Variants in DPT observed in about 807,000 individuals in gnomAD.
The protein encoded by DPT is dermatopontin, also known as tyrosine-rich acidic matrix protein.
Under a neutral mutation model 31.2 loss-of-function variants are expected in DPT, and 21 were observed. That is an observed-to-expected ratio of 0.67 (90% CI 0.48 to 0.97). The LOEUF is 0.97. Ranked by LOEUF, DPT falls within the 50% of genes least tolerant of loss-of-function variation. The pLI is 0.00. For missense variants in DPT, 262 were observed against 258.8 expected (o/e 1.01, Z -0.08); for synonymous variants, 91 against 86.9 (o/e 1.05, Z -0.26).
chr1:168,716,123 A>C (rs1323657399), intron 1 of DPT, among the ~76,000 whole-genome samples: 1 of 152,224 alleles, frequency 6.6e-6, no homozygotes, highest in East Asian at 1.9e-4. Context: ...TAGATATTAA[A>C]TATATTACTT....
intron 2 of DPT, among the ~76,000 whole-genome samples, chr1:168,708,563 T>C (rs1258066678): frequency 6.6e-6 from 1 of 152,236 alleles, no homozygotes; most frequent in Non-Finnish European, 1.5e-5. Flanking sequence ...TGGAAGCTGC[T>C]CTTCATTTTT....
intron 1 of DPT, among the ~76,000 whole-genome samples, chr1:168,727,159 C>T (rs952638697): frequency 6.6e-5 from 10 of 152,214 alleles, no homozygotes; most frequent in Non-Finnish European, 1.5e-4. Context: ...CGGGTGGGAG[C>T]CCACTCTGGG....
At chr1:168,719,112 A>T (rs921421738) in intron 1 of DPT, among the ~76,000 whole-genome samples, 1 of 152,158 alleles carries the variant, frequency 6.6e-6, no homozygotes, top group Non-Finnish European at 1.5e-5. Context: ...TGACCCGACT[A>T]TGTCCCATTA....
At chr1:168,712,698 T>A (rs1015996969) in intron 2 of DPT, among the ~76,000 whole-genome samples, 2 of 152,164 alleles carry the variant, frequency 1.3e-5, no homozygotes, top group Non-Finnish European at 2.9e-5. Context: ...GGATCATCTT[T>A]TCCAAAAGTG....
In DPT at chr1:168,696,586, C is replaced by T. The variant is rs140391611; in HGVS notation, c.569G>A (p.Arg190Gln). The T allele has an allele frequency of 4.8e-5, 77 of 1,613,860 alleles. No homozygotes were observed. The highest frequency in any genetic ancestry group is 3.1e-4 in the African/African-American group (23 of 74,874). The change falls in exon 4 of 4, where the codon CGG becomes CAG. Residue 190 changes from arginine to glutamine, a missense_variant. Physicochemically the swap from Arg to Gln is conservative, Grantham distance 43. Coordinates refer to ENST00000367817, the MANE Select transcript of DPT (RefSeq NM_001937.5). Reference protein sequence around the residue: ...RDRQWKFIMCRMTEYDCEFAN... With the variant: ...RDRQWKFIMCQMTEYDCEFAN... ...AAATTCACAGTCGTATTCAGTCATC[C>T]GGCACATTATGAACTTCCACTGGCG...
chr1:168,696,435 G>A lies in DPT; in HGVS notation c.*114C>T, dbSNP rs1649467155. ...GGCATTGCAGTTACCAGCTCAGGGA[G>A]AAGGAAAGAGAGCAGCAGAAACTTC... On this transcript the variant is annotated 3_prime_UTR_variant, in exon 4 of 4. Transcript: ENST00000367817. The A allele has an allele frequency of 1.2e-6, 1 of 843,126 alleles. No homozygotes were observed. Among genetic ancestry groups the A allele is most frequent in the African/African-American group, 1.7e-5 (1 of 57,646 alleles). 52.2% of individuals were successfully genotyped at this position (843,126 alleles called of 1,614,324 possible).
intron 3 of DPT, among the ~76,000 whole-genome samples, chr1:168,696,833 G>A (rs1319112817): frequency 2.0e-5 from 3 of 152,192 alleles, no homozygotes; most frequent in Admixed American, 1.3e-4. Context: ...TTAGGTCACT[G>A]GCTGTGTGGA....
chr1:168,700,993 T>C (rs1265685111), intron 3 of DPT, 24 bp downstream of exon 3: 2 of 1,574,072 alleles, frequency 1.3e-6, no homozygotes, highest in East Asian at 2.2e-5. Flanking sequence ...CCCTAGCCCA[T>C]TGGGAAGGGG....
At chr1:168,728,812 G>A (rs865879444) in intron 1 of DPT, 58 bp downstream of exon 1, 1 of 1,577,130 alleles carries the variant, frequency 6.3e-7, no homozygotes. Flanking sequence ...CAGCCCCCAG[G>A]AGGAGGGATA....
intron 3 of DPT, among the ~76,000 whole-genome samples, chr1:168,697,436 G>T (rs1411387503): frequency 6.6e-6 from 1 of 152,144 alleles, no homozygotes; most frequent in Non-Finnish European, 1.5e-5. Context: ...AATTAAAAAA[G>T]AAAATGGCTG....
chr1:168,721,695 C>T (rs1375030374), intron 1 of DPT, among the ~76,000 whole-genome samples: 1 of 152,198 alleles, frequency 6.6e-6, no homozygotes. Flanking sequence ...GTTGATATCA[C>T]CATTACACAT....
At chr1:168,725,310 T>C (rs1650217244) in intron 1 of DPT, among the ~76,000 whole-genome samples, 1 of 143,036 alleles carries the variant, frequency 7.0e-6, no homozygotes, top group African/African-American at 2.6e-5. Context: ...CCTTCCTTCC[T>C]CCCTCCCTCC....
At chr1:168,698,458 A>G (rs1649512381) in intron 3 of DPT, among the ~76,000 whole-genome samples, 1 of 152,228 alleles carries the variant, frequency 6.6e-6, no homozygotes, top group African/African-American at 2.4e-5. Flanking sequence ...AACACAGATA[A>G]ACAAGATCTT....
At chr1:168,698,628 A>G (rs1299862973) in intron 3 of DPT, among the ~76,000 whole-genome samples, 1 of 152,132 alleles carries the variant, frequency 6.6e-6, no homozygotes, top group African/African-American at 2.4e-5. Flanking sequence ...AATACTTGGC[A>G]ATGTCTGCAA....
intron 2 of DPT, among the ~76,000 whole-genome samples, chr1:168,702,245 C>G (rs1223446707): frequency 1.3e-5 from 2 of 152,204 alleles, no homozygotes; most frequent in Non-Finnish European, 2.9e-5. Flanking sequence ...CTAGAAAGAT[C>G]TTCTCCTCTG....
At chr1:168,701,361 C>T (rs1389610863) in intron 2 of DPT, among the ~76,000 whole-genome samples, 2 of 152,088 alleles carry the variant, frequency 1.3e-5, no homozygotes, top group Admixed American at 6.5e-5. Flanking sequence ...GAAGATACCT[C>T]CCCAGGCTTT....
chr1:168,722,257 G>C (rs1238819942), intron 1 of DPT, among the ~76,000 whole-genome samples: 1 of 152,170 alleles, frequency 6.6e-6, no homozygotes, highest in Non-Finnish European at 1.5e-5. Context: ...CTATTAAAAT[G>C]TAATAAATAT....
At chr1:168,728,741 T>C (rs923212603) in intron 1 of DPT, 129 bp downstream of exon 1, 63 of 1,120,328 alleles carry the variant, frequency 5.6e-5, no homozygotes, top group Non-Finnish European at 7.8e-5. Context: ...GAGCATGCAG[T>C]GGTGAGGTTT....
intron 2 of DPT, among the ~76,000 whole-genome samples, chr1:168,713,812 A>G (rs1309829319): frequency 1.3e-5 from 2 of 152,094 alleles, no homozygotes; most frequent in African/African-American, 4.8e-5. Context: ...GGTTTCTCCC[A>G]GAGAAAGACT....
Sources: gnomAD v4.1 joint callset for allele counts (sites outside exome capture counted in the v4.1 genomes callset) on GRCh38, gnomAD v4.1.1 for gene constraint, MANE v1.5 for transcripts, NCBI Gene and HGNC (gene_info 2026-07-23, HGNC 2026-07-21) for gene names.